The following FMO5 variants were observed in gnomAD, a reference collection of about 807,000 sequenced individuals.
FMO5 encodes the protein flavin containing dimethylaniline monoxygenase 5, also known as flavin-containing monooxygenase 5.
FMO5 carries 51 observed loss-of-function variants against 43.6 expected under a neutral mutation model. The observed-to-expected ratio is 1.17, with a 90% CI of 0.93 to 1.48. The LOEUF is 1.48. FMO5 is among the 40% of genes most tolerant of loss of function. The pLI is 0.00. For missense variants in FMO5, 644 were observed against 643.0 expected, an observed-to-expected ratio of 1.00 and a Z score of -0.02; for synonymous variants, 187 against 216.5, an observed-to-expected ratio of 0.86 and a Z score of 1.20.
At chr1:147,208,029 T>A (rs1228608499) in intron 6 of FMO5, among the ~76,000 whole-genome samples, 3 of 152,124 alleles carry the variant, frequency 2.0e-5, no homozygotes, top group Non-Finnish European at 2.9e-5. Flanking sequence ...TGCATAGACC[T>A]CCTCACTGTG....
chr1:147,203,446 A>G lies in FMO5; in HGVS notation c.831-1942T>C, dbSNP rs376991184. The G allele has an allele frequency of 2.3e-4, 192 of 837,834 alleles. 1 individual carries two copies. The highest frequency in any genetic ancestry group is 1.9e-3 in the East Asian group (80 of 41,434). The allele number at this position is 837,834 out of a possible 1,614,324, so 51.9% of individuals were successfully genotyped here. ...AGTATCTAGAACACCAGCTTCCAAC[A>G]TGTCCGTTACAGCAGGGACTACAGC... On this transcript the variant is annotated intron_variant, in intron 6 of 8. Transcript: ENST00000254090.
At chr1:147,205,559 T>G (rs587649268) in intron 6 of FMO5, among the ~76,000 whole-genome samples, 1 of 152,212 alleles carries the variant, frequency 6.6e-6, no homozygotes, top group South Asian at 2.1e-4. Context: ...AAAGAGAGAA[T>G]TATTTCTTAT....
chr1:147,191,907 A>T (rs587721175), intron 7 of FMO5, among the ~76,000 whole-genome samples: 38 of 152,206 alleles, frequency 2.5e-4, no homozygotes, highest in African/African-American at 9.2e-4. Flanking sequence ...TGTTTTGGTT[A>T]CTGTAGCCTT....
At chr1:147,199,672 A>G (rs913281732) in intron 7 of FMO5, among the ~76,000 whole-genome samples, 5 of 152,208 alleles carry the variant, frequency 3.3e-5, no homozygotes, top group African/African-American at 1.2e-4. Flanking sequence ...TTAAAAGATC[A>G]CTTTAATATG....
At chr1:147,204,701 C>T (rs1238675965) in intron 6 of FMO5, 29 of 1,539,546 alleles carry the variant, frequency 1.9e-5, no homozygotes, top group Non-Finnish European at 2.5e-5. Flanking sequence ...GGATGCTGTA[C>T]TTCTAGTTCT....
intron 7 of FMO5, among the ~76,000 whole-genome samples, chr1:147,192,872 A>T (rs1374055351): frequency 6.6e-6 from 1 of 152,148 alleles, no homozygotes; most frequent in Non-Finnish European, 1.5e-5. Context: ...CCACTTGATC[A>T]TGGCAGATAA....
chr1:147,222,830 G>A (rs1325127427), intron 2 of FMO5, among the ~76,000 whole-genome samples: 2 of 152,156 alleles, frequency 1.3e-5, no homozygotes, highest in African/African-American at 4.8e-5. Flanking sequence ...TTGATAATCA[G>A]ACAAGATGAT....
intron 6 of FMO5, among the ~76,000 whole-genome samples, chr1:147,202,611 CCTG>C (rs1480405637): frequency 6.6e-6 from 1 of 152,140 alleles, no homozygotes; most frequent in African/African-American, 2.4e-5. Context: ...AGCCACAGCA[CCTG>C]GCCTAAAAAG....
chr1:147,225,708 A>C (rs1464705758), upstream of FMO5: 17 of 152,412 alleles, frequency 1.1e-4, no homozygotes, highest in Admixed American at 5.9e-4. Context: ...TTCTACTCCA[A>C]ATGCTTAAAT....
chr1:147,203,784 G>T, intron 6 of FMO5: 5 of 1,544,546 alleles, frequency 3.2e-6, no homozygotes, highest in Non-Finnish European at 4.5e-6. Flanking sequence ...TCATCCATCA[G>T]ATTGTCTGTA....
chr1:147,184,424 T>G, downstream of FMO5: 4 of 1,382,526 alleles, frequency 2.9e-6, no homozygotes, highest in Non-Finnish European at 3.8e-6. This position sits in a 1 kb window ranked among gnomAD's most constrained non-coding sequence, Gnocchi z 4.4. Flanking sequence ...TAATATTCCC[T>G]TAATTTTTAC....
At chr1:147,195,977 T>C (rs1406463952) in intron 7 of FMO5, among the ~76,000 whole-genome samples, 3 of 152,176 alleles carry the variant, frequency 2.0e-5, no homozygotes, top group Non-Finnish European at 4.4e-5. Flanking sequence ...ACTCTTTGCA[T>C]TTGCACCACT....
At chr1:147,203,511 T>A (rs117217583) in intron 6 of FMO5, 53,036 of 867,564 alleles carry the variant, frequency 0.061, 2,400 homozygotes, top group East Asian at 0.2. Flanking sequence ...CTTCTTGAGG[T>A]ACTGCATAAA....
At chr1:147,215,305 C>G (rs1361510516) in intron 3 of FMO5, 1 of 153,110 alleles carries the variant, frequency 6.5e-6, no homozygotes, top group Non-Finnish European at 1.5e-5. Context: ...GTTAACTACC[C>G]AAGAGCTATA....
chr1:147,198,678 G>T (rs752291850), intron 7 of FMO5, among the ~76,000 whole-genome samples: 1 of 151,626 alleles, frequency 6.6e-6, no homozygotes, highest in Non-Finnish European at 1.5e-5. Flanking sequence ...GTGAAACCCC[G>T]TCTGTATTAA....
chr1:147,216,062 C>G lies in FMO5; in HGVS notation c.136-120G>C, dbSNP rs921351829. The G allele has an allele frequency of 1.3e-5, 9 of 672,680 alleles. No individual in the cohort carries two copies. The Admixed American group carries it at 2.3e-4, about 17-fold the overall frequency. The allele number at this position is 672,680 out of a possible 1,614,324, so 41.7% of individuals were successfully genotyped here. On this transcript the variant is annotated intron_variant, in intron 2 of 8. Coordinates refer to ENST00000254090, the MANE Select transcript of FMO5 (RefSeq NM_001461.4). The stretch of plus-strand genomic sequence containing the variant: ...GTCAATTAAATCACACACACACCTT[C>G]CAGTATTTGTGCCCTTATGTAGTCC...
At chr1:147,185,185 G>A (rs587758404), downstream of FMO5, among the ~76,000 whole-genome samples, 3 of 149,564 alleles carry the variant, frequency 2.0e-5, no homozygotes, top group South Asian at 6.4e-4. Flanking sequence ...ATTTTTTTTT[G>A]TAACCTTGCA....
At chr1:147,209,118 T>A (rs1364191982) in intron 5 of FMO5, 67 bp from the exon 6 acceptor site, 3 of 1,412,012 alleles carry the variant, frequency 2.1e-6, no homozygotes, top group Non-Finnish European at 2.9e-6. Context: ...GCACCCCCAT[T>A]TTCTTCAAGA....
At chr1:147,202,932 T>C (rs1157738292) in intron 6 of FMO5, among the ~76,000 whole-genome samples, 1 of 152,154 alleles carries the variant, frequency 6.6e-6, no homozygotes, top group Non-Finnish European at 1.5e-5. Context: ...TATCTACTCC[T>C]TGTTATCTCA....
Sources: gnomAD v4.1 joint callset for allele counts (sites outside exome capture counted in the v4.1 genomes callset) on GRCh38, gnomAD v4.1.1 for gene constraint, Gnocchi (gnomAD v3.1) non-coding constraint, MANE v1.5 for transcripts, NCBI Gene and HGNC (gene_info 2026-07-23, HGNC 2026-07-21) for gene names.